Variants in HTR4 observed in about 807,000 individuals in gnomAD.
The protein encoded by HTR4 is 5-hydroxytryptamine receptor 4.
HTR4 carries 16 observed loss-of-function variants against 36.8 expected under a neutral mutation model. That is an observed-to-expected ratio of 0.43 (90% CI 0.29 to 0.66). The LOEUF (loss-of-function observed/expected upper bound fraction) is 0.66, where lower values mean the gene tolerates loss of function less well. Among genes scored for constraint, HTR4 ranks in the 30% least tolerant of loss-of-function variants. The pLI is 0.13. For missense variants in HTR4, 438 were observed against 490.9 expected (o/e 0.89, Z 1.02); for synonymous variants, 189 against 185.1 (o/e 1.02, Z -0.17).
chr5:148,481,277 G>C (rs1205363783), downstream of HTR4, among the ~76,000 whole-genome samples: 4 of 152,178 alleles, frequency 2.6e-5, no homozygotes, highest in Non-Finnish European at 5.9e-5. Context: ...AAAATCAAAG[G>C]GGATTGGTCC....
At chr5:148,486,819 G>A (rs1214492107) in intron 6 of HTR4, among the ~76,000 whole-genome samples, 14 of 152,164 alleles carry the variant, frequency 9.2e-5, no homozygotes, top group Admixed American at 7.2e-4. Flanking sequence ...CCTCAATTTC[G>A]GAATCTGTGA....
downstream of HTR4, among the ~76,000 whole-genome samples, chr5:148,478,695 C>T (rs1240223729): frequency 6.6e-6 from 1 of 151,994 alleles, no homozygotes; most frequent in African/African-American, 2.4e-5. Context: ...CCTACCTATT[C>T]CCCGTCCTGC....
intron 1 of HTR4, among the ~76,000 whole-genome samples, chr5:148,638,812 T>TG (rs1327103838): frequency 6.6e-6 from 1 of 152,086 alleles, no homozygotes; most frequent in Non-Finnish European, 1.5e-5. Context: ...CCCAACACTT[T>TG]GGGGGGCCTA....
chr5:148,614,379 A>T (rs571654693), intron 2 of HTR4, among the ~76,000 whole-genome samples: 180 of 152,298 alleles, frequency 1.2e-3, no homozygotes, highest in African/African-American at 3.8e-3. Flanking sequence ...ATAATGCCGC[A>T]TATCTACAAC....
chr5:148,594,450 G>A (rs535772338), intron 2 of HTR4, among the ~76,000 whole-genome samples: 86 of 151,726 alleles, frequency 5.7e-4, no homozygotes, highest in Middle Eastern at 3.4e-3. Flanking sequence ...AAATATTATA[G>A]CTGAAAGTGA....
chr5:148,491,782 G>C (rs1756457003), intron 6 of HTR4, among the ~76,000 whole-genome samples: 1 of 152,104 alleles, frequency 6.6e-6, no homozygotes, highest in Non-Finnish European at 1.5e-5. Flanking sequence ...CATTTTATTG[G>C]TGTTGGGAGA....
intron 6 of HTR4, among the ~76,000 whole-genome samples, chr5:148,492,084 TGA>T (rs1171961462): frequency 6.6e-6 from 1 of 152,226 alleles, no homozygotes; most frequent in Non-Finnish European, 1.5e-5. Context: ...TTTCTGGAGC[TGA>T]GTGTTGTTTG....
chr5:148,574,404 T>TCTCTCA (rs1760806787), intron 2 of HTR4, among the ~76,000 whole-genome samples: 1 of 151,840 alleles, frequency 6.6e-6, no homozygotes, highest in South Asian at 2.1e-4. Context: ...TCTCTCTCTC[T>TCTCTCA]CTCTCACTCA....
At chr5:148,594,056 A>G (rs1250949049) in intron 2 of HTR4, among the ~76,000 whole-genome samples, 1 of 152,222 alleles carries the variant, frequency 6.6e-6, no homozygotes, top group Non-Finnish European at 1.5e-5. Flanking sequence ...CTTCGTAGTG[A>G]AAGTATATTA....
rs770243651 is a variant in HTR4 at position 148,548,836 on chromosome 5, A to G, written c.185T>C (p.Leu62Pro). The stretch of plus-strand genomic sequence containing the variant: ...CGAAACCAGCAGATCCGCAAAAGCA[A>G]GAGATACAATGAAATAATTTGTTTT... ...KIKTNYFIVS[L>P]AFADLLVSVL... is the part of the protein sequence containing the mutation. Residue 62 changes from leucine to proline, a missense_variant, in exon 4 of 7, where the codon CTT (leucine) becomes CCT (proline). Transcript: ENST00000377888. The G allele has an allele frequency of 1.2e-6, 2 of 1,614,118 alleles. No homozygotes were observed. The highest frequency in any genetic ancestry group is 1.7e-6 in the Non-Finnish European group (2 of 1,179,994).
chr5:148,563,471 T>C (rs1003747263), intron 2 of HTR4, among the ~76,000 whole-genome samples: 2 of 152,240 alleles, frequency 1.3e-5, no homozygotes, highest in African/African-American at 4.8e-5. Context: ...ATAACTTGAA[T>C]GTAAAATCAC....
chr5:148,576,127 A>AAAAAAAC (rs1760903021), intron 2 of HTR4, among the ~76,000 whole-genome samples: 1 of 149,356 alleles, frequency 6.7e-6, no homozygotes, highest in African/African-American at 2.5e-5. Context: ...AAAAAAAAAA[A>AAAAAAAC]AAAAAACAAA....
intron 1 of HTR4, chr5:148,646,444 T>A (rs1447509048): frequency 6.6e-6 from 1 of 152,230 alleles, no homozygotes; most frequent in Non-Finnish European, 1.5e-5. Flanking sequence ...CATGTGCTAA[T>A]GATCATATCC....
chr5:148,607,283 G>A (rs116435534), intron 2 of HTR4, among the ~76,000 whole-genome samples: 1,898 of 152,184 alleles, frequency 0.012, 42 homozygotes, highest in African/African-American at 0.043. Flanking sequence ...GCTTAGGGGG[G>A]AAAAATGTAG....
chr5:148,615,065 C>T (rs914874609), intron 2 of HTR4, among the ~76,000 whole-genome samples: 1 of 151,678 alleles, frequency 6.6e-6, no homozygotes, highest in Non-Finnish European at 1.5e-5. Context: ...AATAGGAACA[C>T]TTTTACACTG....
chr5:148,649,415 G>A (rs1208912211), intron 1 of HTR4, among the ~76,000 whole-genome samples: 14 of 152,102 alleles, frequency 9.2e-5, no homozygotes, highest in Admixed American at 9.2e-4. Context: ...TTTCTGTTGG[G>A]TTTCTCCATA....
Position 148,509,745 on chromosome 5 carries a change from T to A in HTR4, c.787A>T (p.Ile263Phe). 1 of 1,614,096 alleles carries A rather than the reference T, an allele frequency of 6.2e-7. No individual in the cohort carries two copies. Among genetic ancestry groups the A allele is most frequent in the Middle Eastern group, 1.7e-4 (1 of 6,060 alleles). ...TETKAAKTLC[I>F]IMGCFCLCWA... is the part of the protein sequence containing the mutation. ...CAGAGGCAGAAGCAACCCATGATGA[T>A]GCACAGGGTCTTGGCTGCTTTGGTC... The change falls in exon 6 of 7, where the codon ATC becomes TTC. Residue 263 changes from isoleucine to phenylalanine, a missense_variant. Physicochemically the swap from Ile to Phe is conservative, Grantham distance 21 (BLOSUM62 0). Coordinates refer to ENST00000377888, the MANE Select transcript of HTR4 (RefSeq NM_000870.7).
chr5:148,545,953 T>C (rs992855989), intron 4 of HTR4, among the ~76,000 whole-genome samples: 1 of 152,128 alleles, frequency 6.6e-6, no homozygotes, highest in Non-Finnish European at 1.5e-5. Context: ...TTGGAGGGAA[T>C]AATTAGGAAA....
intron 2 of HTR4, among the ~76,000 whole-genome samples, chr5:148,564,233 T>G (rs1760340130): frequency 6.6e-6 from 1 of 152,202 alleles, no homozygotes; most frequent in South Asian, 2.1e-4. Flanking sequence ...GCACGCTTGT[T>G]AAACTCCTTC....
Sources: allele counts gnomAD v4.1 joint callset (sites outside exome capture counted in the v4.1 genomes callset), GRCh38; gene constraint gnomAD v4.1.1; transcripts MANE v1.5; gene names NCBI Gene and HGNC (gene_info 2026-07-23, HGNC 2026-07-21).